The following NRXN3 variants were observed in gnomAD, a reference collection of about 807,000 sequenced individuals.
NRXN3 encodes neurexin III.
In NRXN3, 32 loss-of-function variants were observed where a neutral mutation model predicts 137.6. The observed-to-expected ratio is 0.23, with a 90% confidence interval of 0.18 to 0.31. The LOEUF (loss-of-function observed/expected upper bound fraction) is 0.31. Among genes scored for constraint, NRXN3 ranks in the 10% least tolerant of loss-of-function variants. The pLI is 1.00. For synonymous variants in NRXN3, 798 were observed against 784.5 expected, an observed-to-expected ratio of 1.02 and a Z score of -0.29; for missense variants, 1,574 against 2,062.5, an observed-to-expected ratio of 0.76 and a Z score of 4.59.
intron 4 of NRXN3, among the ~76,000 whole-genome samples, chr14:78,580,148 G>T (rs2096978857): frequency 6.6e-6 from 1 of 152,060 alleles, no homozygotes; most frequent in Non-Finnish European, 1.5e-5. Flanking sequence ...TATTTCATCT[G>T]TAATTTCTGG....
intron 4 of NRXN3, among the ~76,000 whole-genome samples, chr14:78,460,828 A>G (rs17107653): frequency 0.046 from 6,915 of 151,128 alleles, 606 homozygotes; most frequent in East Asian, 0.44. Flanking sequence ...TTTCTTTTTG[A>G]TTCTTTGGGC....
At chr14:78,650,305 A>G (rs1337674067) in intron 5 of NRXN3, among the ~76,000 whole-genome samples, 2 of 151,640 alleles carry the variant, frequency 1.3e-5, no homozygotes, top group African/African-American at 4.9e-5. Context: ...TAATTTCTGC[A>G]TGGGTGTATC....
intron 4 of NRXN3, among the ~76,000 whole-genome samples, chr14:78,548,669 C>G (rs897810653): frequency 1.3e-5 from 2 of 152,186 alleles, no homozygotes; most frequent in African/African-American, 4.8e-5. Flanking sequence ...CTGGTTGTTA[C>G]ATTGTCCCCT....
intron 15 of NRXN3, among the ~76,000 whole-genome samples, chr14:79,283,355 A>C (rs931281877): frequency 1.3e-5 from 2 of 152,098 alleles, no homozygotes; most frequent in Admixed American, 1.3e-4. Context: ...ATTTCCTGAG[A>C]AGCCAAAGTC....
At chr14:79,573,690 T>C (rs527352049) in intron 16 of NRXN3, among the ~76,000 whole-genome samples, 41 of 152,260 alleles carry the variant, frequency 2.7e-4, no homozygotes, top group African/African-American at 9.6e-4. Flanking sequence ...TCTCAGCTGC[T>C]GTTGTGGTTA....
chr14:79,735,897 G>C (rs778932662), intron 19 of NRXN3, among the ~76,000 whole-genome samples: 1 of 152,206 alleles, frequency 6.6e-6, no homozygotes, highest in Admixed American at 6.5e-5. Context: ...CTTCCTGTTG[G>C]TATAGGAAAA....
chr14:79,234,322 AT>A (rs1268511734), intron 15 of NRXN3, among the ~76,000 whole-genome samples: 2 of 111,788 alleles, frequency 1.8e-5, no homozygotes, highest in African/African-American at 8.0e-5. Context: ...ATATATATAT[AT>A]ATATATATAT....
intron 20 of NRXN3, among the ~76,000 whole-genome samples, chr14:79,852,234 A>AACGCAC (rs1491346009): frequency 3.9e-5 from 5 of 128,266 alleles, no homozygotes; most frequent in South Asian, 5.6e-4. Context: ...TTCAACTCCC[A>AACGCAC]ACACACACAC....
intron 1 of NRXN3, among the ~76,000 whole-genome samples, chr14:78,197,219 C>G (rs1407659552): frequency 2.0e-5 from 3 of 152,252 alleles, no homozygotes; most frequent in Non-Finnish European, 4.4e-5. Flanking sequence ...ACTCTTCGCT[C>G]AGTGGCGTGC....
chr14:79,681,021 C>G (rs1187807874), intron 17 of NRXN3, among the ~76,000 whole-genome samples: 1 of 152,178 alleles, frequency 6.6e-6, no homozygotes, highest in Non-Finnish European at 1.5e-5. Context: ...CTCCAATTTT[C>G]CTTCCCTTTC....
At chr14:78,270,540 T>C (rs1233553719) in intron 2 of NRXN3, among the ~76,000 whole-genome samples, 1 of 152,202 alleles carries the variant, frequency 6.6e-6, no homozygotes, top group Non-Finnish European at 1.5e-5. Context: ...CCTCATGGCC[T>C]AAAGCTGGGA....
chr14:78,630,611 T>G lies in NRXN3; in HGVS notation c.758-14509T>G, dbSNP rs540950636. Among the ~76,000 whole-genome samples the G allele has an allele frequency of 2.7e-4, 41 of 150,624 alleles. 1 individual carries two copies. The South Asian group carries it at 7.6e-3, about 28-fold the overall frequency. On this transcript the variant is annotated intron_variant, in intron 4 of 20. Coordinates refer to ENST00000335750, the MANE Select transcript of NRXN3 (RefSeq NM_001330195.2). ...TTTCTTTCTTTCTTTTTTTTTTTTTTTTGTTGTTTTTGAGACGGAGTCTCA... is the reference window on the plus strand; with the variant it reads ...TTTCTTTCTTTCTTTTTTTTTTTTTGTTGTTGTTTTTGAGACGGAGTCTCA...
At chr14:78,921,606 C>G (rs1396073474) in intron 10 of NRXN3, among the ~76,000 whole-genome samples, 1 of 152,106 alleles carries the variant, frequency 6.6e-6, no homozygotes, top group East Asian at 1.9e-4. Flanking sequence ...CTTATCAAAG[C>G]ACAGGATAGG....
chr14:78,522,907 G>T (rs898295366), intron 4 of NRXN3, among the ~76,000 whole-genome samples: 1 of 151,998 alleles, frequency 6.6e-6, no homozygotes, highest in African/African-American at 2.4e-5. Context: ...AATATCTAAC[G>T]GTATTCTTTA....
chr14:78,449,560 T>C (rs2094502155), intron 4 of NRXN3, among the ~76,000 whole-genome samples: 1 of 152,156 alleles, frequency 6.6e-6, no homozygotes, highest in Non-Finnish European at 1.5e-5. Flanking sequence ...ATCTCTAAAA[T>C]GTGCCACAGA....
chr14:79,214,542 C>A (rs1429542712), intron 15 of NRXN3, among the ~76,000 whole-genome samples: 2 of 152,150 alleles, frequency 1.3e-5, no homozygotes, highest in African/African-American at 4.8e-5. Flanking sequence ...GATCTGGTCA[C>A]TCTATATTAT....
intron 4 of NRXN3, among the ~76,000 whole-genome samples, chr14:78,590,096 G>T (rs1240545711): frequency 6.6e-6 from 1 of 152,210 alleles, no homozygotes; most frequent in Non-Finnish European, 1.5e-5. Context: ...CAGGCAAGTG[G>T]CTAAGGACTC....
At chr14:78,926,956 T>A (rs1428150389) in intron 10 of NRXN3, among the ~76,000 whole-genome samples, 3 of 55,036 alleles carry the variant, frequency 5.5e-5, no homozygotes, top group Non-Finnish European at 8.5e-5. Flanking sequence ...ATAATATATA[T>A]AATATATATA....
intron 15 of NRXN3, among the ~76,000 whole-genome samples, chr14:79,382,583 A>G (rs990519700): frequency 6.6e-5 from 10 of 152,258 alleles, no homozygotes; most frequent in Admixed American, 2.0e-4. Context: ...TTAGGACTCC[A>G]CATTAACTAT....
Sources: gnomAD v4.1 joint callset for allele counts (sites outside exome capture counted in the v4.1 genomes callset) on GRCh38, gnomAD v4.1.1 for gene constraint, MANE v1.5 for transcripts, NCBI Gene and HGNC (gene_info 2026-07-23, HGNC 2026-07-21) for gene names.